The following USP34 variants were observed in gnomAD, a reference collection of about 807,000 sequenced individuals.
USP34 encodes the protein ubiquitin carboxyl-terminal hydrolase 34.
A neutral mutation model predicts 460.3 loss-of-function variants in USP34; 70 were observed. The ratio of observed to expected loss-of-function variants is 0.15; its 90% CI spans 0.13 to 0.19. USP34 has a LOEUF of 0.19. Ranked by LOEUF, USP34 falls within the 10% of genes least tolerant of loss-of-function variation. The pLI is 1.00. For missense variants in USP34, 3,985 were observed against 4,236.2 expected (o/e 0.94, Z 1.65); for synonymous variants, 1,647 against 1,405.3 (o/e 1.17, Z -3.85).
At chr2:61,292,703 T>G (rs933042902) in intron 33 of USP34, among the ~76,000 whole-genome samples, 1 of 152,072 alleles carries the variant, frequency 6.6e-6, no homozygotes, top group Non-Finnish European at 1.5e-5. Context: ...AAGAAAATAC[T>G]TGAATTCAAT....
intron 75 of USP34, among the ~76,000 whole-genome samples, chr2:61,201,665 T>G (rs2103763991): frequency 6.6e-6 from 1 of 152,272 alleles, no homozygotes; most frequent in African/African-American, 2.4e-5. Flanking sequence ...TTTCTTCCAT[T>G]TCTCCACCAT....
intron 1 of USP34, among the ~76,000 whole-genome samples, chr2:61,440,140 G>A (rs1190830157): frequency 1.3e-5 from 2 of 152,080 alleles, no homozygotes; most frequent in African/African-American, 4.8e-5. Flanking sequence ...CGTCCCTCCC[G>A]AGCACTCATC....
chr2:61,447,099 A>T (rs1695140990), intron 1 of USP34, among the ~76,000 whole-genome samples: 1 of 151,830 alleles, frequency 6.6e-6, no homozygotes, highest in South Asian at 2.1e-4. Flanking sequence ...TACTAAAAAT[A>T]AAAAAATTAG....
At chr2:61,341,982 C>G (rs537047860) in intron 16 of USP34, among the ~76,000 whole-genome samples, 3 of 151,828 alleles carry the variant, frequency 2.0e-5, no homozygotes, top group African/African-American at 7.3e-5. Context: ...AGGCTGGCCT[C>G]GAGATGCTGA....
chr2:61,350,808 A>G, intron 10 of USP34, 115 bp from the exon 11 acceptor site: 1 of 1,066,508 alleles, frequency 9.4e-7, no homozygotes, highest in Non-Finnish European at 1.3e-6. Context: ...ATATTTTTTA[A>G]TATGACGGTA....
At chr2:61,437,019 A>T (rs1694832512) in intron 1 of USP34, among the ~76,000 whole-genome samples, 1 of 152,220 alleles carries the variant, frequency 6.6e-6, no homozygotes, top group African/African-American at 2.4e-5. Flanking sequence ...CAACACGTCA[A>T]AGCCTGTGGG....
At chr2:61,276,727 A>C (rs1040145779) in intron 41 of USP34, among the ~76,000 whole-genome samples, 4 of 152,226 alleles carry the variant, frequency 2.6e-5, no homozygotes, top group African/African-American at 9.6e-5. Context: ...AAATCTATCA[A>C]ATCATTTCCA....
chr2:61,240,143 G>A lies in USP34; in HGVS notation c.6777+1417C>T, dbSNP rs940842965. 4.0e-5 allele frequency among the ~76,000 whole-genome samples: 6 copies of A among 151,598 alleles called. No individual in the cohort carries two copies. The South Asian group carries it at 8.3e-4, about 21-fold the overall frequency. ...AGGTGTGCATTTCTGGAGAAGATTT[G>A]CTTTTTTGTGTTTTTGGCTGACTGA... is the stretch of plus-strand genomic sequence containing the variant. On this transcript the variant is annotated intron_variant, in intron 53 of 79. Coordinates refer to ENST00000398571, the MANE Select transcript of USP34 (RefSeq NM_014709.4).
intron 1 of USP34, among the ~76,000 whole-genome samples, chr2:61,425,680 C>A (rs1214191316): frequency 6.6e-6 from 1 of 152,050 alleles, no homozygotes; most frequent in African/African-American, 2.4e-5. Flanking sequence ...CAGTCTGAGC[C>A]GTAAGGACTA....
intron 6 of USP34, among the ~76,000 whole-genome samples, chr2:61,382,477 C>T (rs1337233916): frequency 6.6e-6 from 1 of 152,200 alleles, no homozygotes. Flanking sequence ...TCAGATATCA[C>T]CCTTCAGAAA....
At chr2:61,380,433 A>C in intron 6 of USP34, 72 bp from the exon 7 acceptor site, 1 of 1,459,214 alleles carries the variant, frequency 6.9e-7, no homozygotes, top group Non-Finnish European at 9.2e-7. Flanking sequence ...AGTAACTTAA[A>C]ATGTACATTG....
At chr2:61,320,963 C>T (rs1203432409) in intron 21 of USP34, among the ~76,000 whole-genome samples, 1 of 150,704 alleles carries the variant, frequency 6.6e-6, no homozygotes, top group African/African-American at 2.4e-5. Context: ...TGAGCTGAGG[C>T]CTCACCACTG....
intron 2 of USP34, 84 bp downstream of exon 2, chr2:61,420,662 C>T (rs993874423): frequency 1.2e-5 from 12 of 973,042 alleles, no homozygotes; most frequent in Non-Finnish European, 1.8e-5. Flanking sequence ...ACCCAACACC[C>T]TAAAAAGAAA....
At chr2:61,258,100 TC>T (rs2103898318) in intron 44 of USP34, among the ~76,000 whole-genome samples, 1 of 151,728 alleles carries the variant, frequency 6.6e-6, no homozygotes, top group Non-Finnish European at 1.5e-5. Context: ...ATGCCTGTGA[TC>T]CCAGCACTTT....
intron 10 of USP34, among the ~76,000 whole-genome samples, chr2:61,358,834 G>A (rs965670788): frequency 3.9e-5 from 6 of 152,004 alleles, no homozygotes; most frequent in Non-Finnish European, 5.9e-5. Flanking sequence ...TGAACAATCC[G>A]AAAAGAAAAT....
Position 61,241,797 on chromosome 2 carries a change from G to A in USP34, c.6650C>T (p.Thr2217Ile). The change falls in exon 52 of 80, where the codon ACA becomes ATA. Residue 2217 changes from threonine to isoleucine, a missense_variant. Around this residue, in one of 14 missense-constraint regions of USP34, gnomAD observed 604 missense variants for 684.8 expected, o/e 0.88. Transcript: ENST00000398571. ...EMTTKTYDSV[T>I]DKFMDFSFEK... ...AAAAGAGAAGTCCATAAATTTATCT[G>A]TAACAGAATCATAGGTCTTGGTCTG... The A allele has an allele frequency of 1.3e-6, 2 of 1,537,578 alleles. No individual in the cohort carries two copies. Among genetic ancestry groups the A allele is most frequent in the Non-Finnish European group, 1.8e-6 (2 of 1,138,872 alleles).
intron 7 of USP34, among the ~76,000 whole-genome samples, chr2:61,378,925 A>AAAAAAAAAAAAAC (rs1692883192): frequency 6.7e-6 from 1 of 149,992 alleles, no homozygotes; most frequent in East Asian, 1.9e-4. Flanking sequence ...AAAAAAAAAA[A>AAAAAAAAAAAAAC]AAAAAAAAAA....
intron 43 of USP34, 58 bp downstream of exon 43, chr2:61,265,339 C>CA: frequency 6.5e-7 from 1 of 1,530,570 alleles, no homozygotes. Context: ...AAAAATTTAT[C>CA]AACAAAATAT....
intron 23 of USP34, 75 bp from the exon 24 acceptor site, chr2:61,315,049 A>T: frequency 8.8e-7 from 1 of 1,142,036 alleles, no homozygotes; most frequent in African/African-American, 1.6e-5. Flanking sequence ...AAGTATCAAA[A>T]GTAAAAATCA....
Sources: allele counts gnomAD v4.1 joint callset (sites outside exome capture counted in the v4.1 genomes callset), GRCh38; gene constraint gnomAD v4.1.1; regional missense constraint gnomAD v4.1.1; transcripts MANE v1.5; gene names NCBI Gene and HGNC (gene_info 2026-07-23, HGNC 2026-07-21).